The following GBA2 variants were observed in gnomAD, a reference collection of about 807,000 sequenced individuals.
The protein encoded by GBA2 is glucosylceramidase beta 2.
Under a neutral mutation model 112.9 loss-of-function variants are expected in GBA2, and 79 were observed. The ratio of observed to expected loss-of-function variants is 0.70; its 90% CI spans 0.58 to 0.84. GBA2 has a LOEUF of 0.84. Among genes scored for constraint, GBA2 ranks in the 40% least tolerant of loss-of-function variants. The probability of loss-of-function intolerance (pLI) is 0.00; values close to 1 mark genes in which losing one functional copy is unlikely to be tolerated. For missense variants in GBA2, 1,043 were observed against 1,190.0 expected (o/e 0.88, Z 1.82); for synonymous variants, 403 against 434.3 (o/e 0.93, Z 0.90).
In GBA2 at chr9:35,738,574, C is replaced by T. The variant is rs1563957485; in HGVS notation, c.2006G>A (p.Gly669Glu). 3.1e-6 allele frequency: 5 copies of T among 1,614,038 alleles called. No individual in the cohort carries two copies. The highest frequency in any genetic ancestry group is 3.4e-6 in the Non-Finnish European group (4 of 1,179,888). Residue 669 changes from glycine (G) to glutamate (E), a missense_variant, in exon 13 of 17, where the codon GGA becomes GAA. Physicochemically the swap from Gly to Glu is moderately conservative, Grantham distance 98 (BLOSUM62 -2). Coordinates refer to ENST00000378103, the MANE Select transcript of GBA2 (RefSeq NM_020944.3). ...ATCATAGGTCTGGTCTGCATAGCCT[C>T]CATTTTCAATGAGTCCATCATGGTC... Reference protein sequence around the residue: ...DKDHDGLIENGGYADQTYDGW... With the variant: ...DKDHDGLIENEGYADQTYDGW...
Position 35,737,627 on chromosome 9 carries a change from A to G in GBA2, c.2505+121T>C. 2 of 1,588,848 alleles carry G rather than the reference A, an allele frequency of 1.3e-6. No homozygotes were observed. The highest frequency in any genetic ancestry group is 1.1e-5 in the South Asian group (1 of 88,194). The stretch of plus-strand genomic sequence containing the variant: ...GAGCTGGAATGCATACCAGGGAAAA[A>G]TGGGAGGCTTTATAGACGGACAAGA... On this transcript the variant is annotated intron_variant, in intron 16 of 16. Coordinates refer to ENST00000378103, the MANE Select transcript of GBA2 (RefSeq NM_020944.3). The surrounding 1 kb of genome is among the most constrained non-coding windows in gnomAD (Gnocchi z 4.1).
At position 35,741,220 on chromosome 9, in the gene GBA2, C is replaced by G. The variant is rs1826654340; in HGVS notation, c.787-156G>C. On this transcript the variant is annotated intron_variant, in intron 4 of 16. Transcript: ENST00000378103. The surrounding 1 kb of genome is among the most constrained non-coding windows in gnomAD (Gnocchi z 4.6). ...GCATCTCCCCATATTCCCAGGCAAG[C>G]TGCCTAGCAGGGAATATAGAAGACC... The G allele has an allele frequency of 1.3e-6, 1 of 791,778 alleles. No individual in the cohort carries two copies. Among genetic ancestry groups the G allele is most frequent in the Non-Finnish European group, 2.0e-6 (1 of 506,194 alleles). The allele number at this position is 791,778 out of a possible 1,614,324, so 49.0% of individuals were successfully genotyped here.
chr9:35,739,173 G>A (rs1193079116), intron 10 of GBA2, 64 bp from the exon 11 acceptor site: 6 of 1,105,826 alleles, frequency 5.4e-6, no homozygotes, highest in Non-Finnish European at 8.2e-6. Context: ...ACACAGCTAT[G>A]TGTGTGACTG....
intron 2 of GBA2, 78 bp downstream of exon 2, chr9:35,744,537 C>T: frequency 9.4e-7 from 1 of 1,063,862 alleles, no homozygotes; most frequent in South Asian, 1.3e-5. Flanking sequence ...TTTGCATAAG[C>T]TGGAAGTCTC....
At position 35,737,975 on chromosome 9, in the gene GBA2, C is replaced by T. The variant is rs746694187; in HGVS notation, c.2314-36G>A. Reference sequence around the variant, plus strand: ...AAGGGCAGGAACATGGTCTCATATACTTACTTCCCACCTCCAGGGAAAACC... The same window carrying T: ...AAGGGCAGGAACATGGTCTCATATATTTACTTCCCACCTCCAGGGAAAACC... On this transcript the variant is annotated intron_variant, in intron 15 of 16. Transcript: ENST00000378103. The surrounding 1 kb of genome is among the most constrained non-coding windows in gnomAD (Gnocchi z 4.1). The T allele has an allele frequency of 6.2e-7, 1 of 1,601,796 alleles. No homozygotes were observed. Among genetic ancestry groups the T allele is most frequent in the Non-Finnish European group, 8.5e-7 (1 of 1,172,826 alleles).
rs750984776 is a variant in GBA2, at chr9:35,740,625, C to G, written c.1030G>C (p.Ala344Pro). The change falls in exon 6 of 17, where the codon GCT becomes CCT. Residue 344 changes from alanine to proline, a missense_variant. Transcript: ENST00000378103. This position sits in a 1 kb window ranked among gnomAD's most constrained non-coding sequence, Gnocchi z 4.7. ...GCTGTGATGTGGGTTACCGTGGTAG[C>G]TGCCTGTGAAGGGGTCAGGGACTGT... ...TMAVAARVTAATTVTHITAFD... is the reference protein window; with the variant it reads ...TMAVAARVTAPTTVTHITAFD... 13 of 1,612,536 alleles carry G rather than the reference C, an allele frequency of 8.1e-6. No individual in the cohort carries two copies. In the East Asian group the frequency reaches 2.9e-4, roughly 36 times the overall value.
Position 35,740,535 on chromosome 9 carries a change from A to G in GBA2, c.1120T>C (p.Ser374Pro). ...QDLLQDGQLD[S>P]PTGQSTPTQK... is the part of the protein sequence containing the mutation. ...TCAGACCCCCCATCACCAGTGGGAG[A>G]GTCCAGCTGTCCATCCTGAAGTAGA... The change falls in exon 6 of 17, where the codon TCT (serine) becomes CCT (proline). Residue 374 changes from serine (S) to proline (P), a missense_variant. Transcript: ENST00000378103. This position sits in a 1 kb window ranked among gnomAD's most constrained non-coding sequence, Gnocchi z 4.7. 1 of 1,610,148 alleles carries G rather than the reference A, an allele frequency of 6.2e-7. No individual in the cohort carries two copies. The highest frequency in any genetic ancestry group is 8.5e-7 in the Non-Finnish European group (1 of 1,176,466).
At chr9:35,745,359 A>G (rs1826919289) in intron 1 of GBA2, among the ~76,000 whole-genome samples, 1 of 151,996 alleles carries the variant, frequency 6.6e-6, no homozygotes, top group Non-Finnish European at 1.5e-5. Flanking sequence ...TCCTGACCTC[A>G]GGTGATCCGC....
At chr9:35,747,227 G>A (rs1827014022) in intron 1 of GBA2, among the ~76,000 whole-genome samples, 1 of 152,122 alleles carries the variant, frequency 6.6e-6, no homozygotes, top group African/African-American at 2.4e-5. Context: ...TCATATTTAA[G>A]GGCTAAGAGG....
intron 3 of GBA2, among the ~76,000 whole-genome samples, chr9:35,743,022 A>T (rs1322079783): frequency 4.6e-5 from 7 of 152,254 alleles, no homozygotes; most frequent in African/African-American, 1.7e-4. Context: ...ATGAGGTATT[A>T]TAAGTAATCT....
rs147443644 is a variant in GBA2, at chr9:35,739,790, C to G, written c.1420G>C (p.Ala474Pro). 4.3e-6 allele frequency: 7 copies of G among 1,613,752 alleles called. No homozygotes were observed. Among genetic ancestry groups the G allele is most frequent in the African/African-American group, 2.7e-5 (2 of 74,906 alleles). ...TTGAACAGCGCAGATTTGTACCAGG[C>G]AGGCAGTGATCTGGGAAGCGAGGAG... Reference protein sequence around the residue: ...SPVLDDRSLPAWYKSALFNEL... With the variant: ...SPVLDDRSLPPWYKSALFNEL... The change falls in exon 9 of 17, where the codon GCC (alanine) becomes CCC (proline). Residue 474 changes from alanine to proline, a missense_variant. By Grantham distance (27) the Ala-to-Pro change is conservative. Coordinates refer to ENST00000378103, the MANE Select transcript of GBA2 (RefSeq NM_020944.3).
rs750727245 is a variant in GBA2 at position 35,737,998 on chromosome 9, A to G, written c.2313+39T>C. ...TACTTACTTCCCACCTCCAGGGAAA[A>G]CCCATTTTTCTCTCTGGCTGCTCCT... On this transcript the variant is annotated intron_variant, in intron 15 of 16. Transcript: ENST00000378103. The surrounding 1 kb of genome is among the most constrained non-coding windows in gnomAD (Gnocchi z 4.1). The G allele has an allele frequency of 1.3e-5, 20 of 1,596,070 alleles. No individual in the cohort carries two copies. In the South Asian group the frequency reaches 1.8e-4, roughly 14 times the overall value.
Position 35,736,985 on chromosome 9 carries a change from A to T in GBA2, c.*184T>A, listed in dbSNP as rs1471838253. 2.1e-6 allele frequency: 2 copies of T among 951,044 alleles called. No individual in the cohort carries two copies. Among genetic ancestry groups the T allele is most frequent in the Admixed American group, 2.9e-5 (1 of 34,634 alleles). 58.9% of individuals were successfully genotyped at this position (951,044 alleles called of 1,614,324 possible). A position where few individuals can be genotyped will look rare whatever the true frequency, so the allele number is the denominator to read the frequency against. On this transcript the variant is annotated 3_prime_UTR_variant, in exon 17 of 17. Transcript: ENST00000378103. ...CAGGGAACAGGTGAGGAAAGAAATA[A>T]ATAAGTGATTCTAATGCTGCCTAGG...
chr9:35,748,036 G>C (rs991018988), intron 1 of GBA2, among the ~76,000 whole-genome samples: 3 of 152,206 alleles, frequency 2.0e-5, no homozygotes, highest in Non-Finnish European at 4.4e-5. Flanking sequence ...ACAAAGTATA[G>C]CTAATCCCAA....
chr9:35,746,829 A>G lies in GBA2; in HGVS notation c.359+1517T>C, dbSNP rs1018865899. Among the ~76,000 whole-genome samples the G allele has an allele frequency of 7.2e-5, 11 of 152,178 alleles. No individual in the cohort carries two copies. The highest frequency in any genetic ancestry group is 1.3e-4 in the Admixed American group (2 of 15,280). On this transcript the variant is annotated intron_variant, in intron 1 of 16. Coordinates refer to ENST00000378103, the MANE Select transcript of GBA2 (RefSeq NM_020944.3). The surrounding 1 kb of genome is among the most constrained non-coding windows in gnomAD (Gnocchi z 5.2). ...CAGACAGAACAAAGGACTATCTGGC[A>G]TGGAACAAGCACTCAATAAATATTT...
chr9:35,741,795 C>G lies in GBA2; in HGVS notation c.663G>C (p.Leu221=). Residue 221 remains leucine (L), a synonymous_variant, in exon 4 of 17, where the codon CTG becomes CTC. Transcript: ENST00000378103. This position sits in a 1 kb window ranked among gnomAD's most constrained non-coding sequence, Gnocchi z 4.6. ...CATGGTAGAAAGCAAAGTACCCACA[C>G]AGGCCCCAGTTCCAGCTGCGGAGGA... ...PSVLRSWNWG[L]CGYFAFYHAL... 1.2e-6 allele frequency: 2 copies of G among 1,613,842 alleles called. No homozygotes were observed. The highest frequency in any genetic ancestry group is 2.7e-5 in the African/African-American group (2 of 75,012).
At chr9:35,747,470 G>A (rs1431705082) in intron 1 of GBA2, among the ~76,000 whole-genome samples, 1 of 152,156 alleles carries the variant, frequency 6.6e-6, no homozygotes, top group East Asian at 1.9e-4. Context: ...CCCAGGGCTA[G>A]GGTTAGATAA....
In GBA2 at chr9:35,738,614, T is replaced by G. The variant is rs1458833526; in HGVS notation, c.1966A>C (p.Met656Leu). 2 of 1,613,728 alleles carry G rather than the reference T, an allele frequency of 1.2e-6. No individual in the cohort carries two copies. The highest frequency in any genetic ancestry group is 1.7e-6 in the Non-Finnish European group (2 of 1,179,626). The part of the protein sequence containing the change: ...PVCLAVMESE[M>L]KFDKDHDGLI... ...CCATCATGGTCCTTGTCAAACTTCA[T>G]TTCAGATTCCATCACAGCCTAGAGA... Residue 656 changes from methionine (M) to leucine (L), a missense_variant, in exon 13 of 17, where the codon ATG (methionine) becomes CTG (leucine). Physicochemically the swap from Met to Leu is conservative, Grantham distance 15. Coordinates refer to ENST00000378103, the MANE Select transcript of GBA2 (RefSeq NM_020944.3).
At chr9:35,744,571 G>A in intron 2 of GBA2, 44 bp downstream of exon 2, 1 of 1,246,468 alleles carries the variant, frequency 8.0e-7, no homozygotes, top group Non-Finnish European at 1.2e-6. Context: ...TAGACCTGGA[G>A]GCTAGGCCTT....
Sources: allele counts gnomAD v4.1 joint callset (sites outside exome capture counted in the v4.1 genomes callset), GRCh38; gene constraint gnomAD v4.1.1; non-coding constraint Gnocchi (gnomAD v3.1); transcripts MANE v1.5; gene names NCBI Gene and HGNC (gene_info 2026-07-23, HGNC 2026-07-21).